Variants in HSD17B3 observed in about 807,000 individuals in gnomAD.
HSD17B3 encodes hydroxysteroid 17-beta dehydrogenase 3.
In HSD17B3, 29 loss-of-function variants were observed where a neutral mutation model predicts 41.1. The observed-to-expected ratio is 0.71, with a 90% CI of 0.53 to 0.96. The LOEUF is 0.96. HSD17B3 is among the 40% of genes least tolerant of loss of function. The probability of loss-of-function intolerance (pLI) is 0.00; values close to 1 mark genes in which losing one functional copy is unlikely to be tolerated. For missense variants in HSD17B3, 323 were observed against 374.6 expected, an observed-to-expected ratio of 0.86 and a Z score of 1.14; for synonymous variants, 126 against 145.6, an observed-to-expected ratio of 0.87 and a Z score of 0.97.
intron 1 of HSD17B3, among the ~76,000 whole-genome samples, chr9:96,301,474 A>C (rs1302152372): frequency 6.6e-6 from 1 of 150,936 alleles, no homozygotes; most frequent in African/African-American, 2.4e-5. Context: ...GCACTTTGAG[A>C]GGCTAAAGTG....
At chr9:96,243,078 C>T (rs1836515999) in intron 9 of HSD17B3, among the ~76,000 whole-genome samples, 1 of 152,200 alleles carries the variant, frequency 6.6e-6, no homozygotes, top group African/African-American at 2.4e-5. Flanking sequence ...AGCCTGGGGC[C>T]CTGTGTCAGC....
In HSD17B3 at chr9:96,302,059, C is replaced by G; in HGVS notation, c.46G>C (p.Val16Leu). The part of the protein sequence containing the change: ...EQFFILTGLL[V>L]CLACLAKCVR... ...CACTTCGCCAGGCAGGCCAGGCACA[C>G]CAGCAGCCCTGTGAGGATGAAGAAC... Residue 16 changes from valine (V) to leucine (L), a missense_variant, in exon 1 of 11, where the codon GTG (valine) becomes CTG (leucine). Transcript: ENST00000375263. 6.2e-7 allele frequency: 1 copy of G among 1,614,132 alleles called. No homozygotes were observed. Among genetic ancestry groups the G allele is most frequent in the Admixed American group, 1.7e-5 (1 of 60,006 alleles).
At chr9:96,254,767 G>T in intron 3 of HSD17B3, 101 bp downstream of exon 3, 1 of 999,812 alleles carries the variant, frequency 1.0e-6, no homozygotes, top group Non-Finnish European at 1.6e-6. Context: ...CCCAGGCTCT[G>T]AGAGCAGATG....
chr9:96,269,152 T>A (rs1225965765), intron 2 of HSD17B3, among the ~76,000 whole-genome samples: 1 of 152,166 alleles, frequency 6.6e-6, no homozygotes, highest in African/African-American at 2.4e-5. Context: ...TAAACCTGTA[T>A]GACATGGGAC....
chr9:96,282,746 A>G (rs1459008886), intron 2 of HSD17B3, among the ~76,000 whole-genome samples: 1 of 152,230 alleles, frequency 6.6e-6, no homozygotes, highest in African/African-American at 2.4e-5. Flanking sequence ...AAACAGTTCT[A>G]CCTGTAAGGC....
At chr9:96,286,702 CAA>C (rs67992904) in intron 2 of HSD17B3, among the ~76,000 whole-genome samples, 3 of 145,486 alleles carry the variant, frequency 2.1e-5, no homozygotes, top group African/African-American at 7.6e-5. Context: ...AAAAAAAAAA[CAA>C]AAAAAAAACC....
At chr9:96,273,562 T>C (rs1197898732) in intron 2 of HSD17B3, among the ~76,000 whole-genome samples, 2 of 152,096 alleles carry the variant, frequency 1.3e-5, no homozygotes, top group East Asian at 3.9e-4. Context: ...CAGATGCCGA[T>C]CCAAGCCAAT....
intron 2 of HSD17B3, among the ~76,000 whole-genome samples, chr9:96,257,049 G>A (rs926376699): frequency 1.3e-5 from 2 of 152,172 alleles, no homozygotes; most frequent in African/African-American, 2.4e-5. Context: ...AGAAGTGCTC[G>A]CTCCCTCTTT....
rs143438132 is a variant in HSD17B3 at position 96,262,756 on chromosome 9, G to A, written c.202-7813C>T. On this transcript the variant is annotated intron_variant, in intron 2 of 10. Transcript: ENST00000375263. ...CCAAGCTAATATTATTTCTTGTCTTGAATTATATTTTGTCTGATACTAATA... is the reference window on the plus strand; with the variant it reads ...CCAAGCTAATATTATTTCTTGTCTTAAATTATATTTTGTCTGATACTAATA... Among the ~76,000 whole-genome samples the A allele has an allele frequency of 2.9e-3, 434 of 152,180 alleles. 1 individual carries two copies. The highest frequency in any genetic ancestry group is 4.9e-3 in the Non-Finnish European group (334 of 68,010).
At chr9:96,270,247 T>TACACAC (rs35263931) in intron 2 of HSD17B3, among the ~76,000 whole-genome samples, 29 of 147,382 alleles carry the variant, frequency 2.0e-4, no homozygotes, top group Middle Eastern at 7.0e-3. Context: ...CCCAAACACA[T>TACACAC]ACACACACAC....
chr9:96,298,173 C>A (rs961515433), intron 2 of HSD17B3, among the ~76,000 whole-genome samples: 2 of 152,156 alleles, frequency 1.3e-5, no homozygotes, highest in African/African-American at 4.8e-5. Context: ...AATACCAATG[C>A]CCCACAAATT....
intron 9 of HSD17B3, among the ~76,000 whole-genome samples, chr9:96,241,372 C>T (rs1005357063): frequency 5.9e-5 from 9 of 152,234 alleles, no homozygotes; most frequent in African/African-American, 2.2e-4. Context: ...TCTGGCAACT[C>T]TATCTCAGAA....
chr9:96,267,569 T>A (rs1826088650), intron 2 of HSD17B3, among the ~76,000 whole-genome samples: 1 of 152,112 alleles, frequency 6.6e-6, no homozygotes, highest in South Asian at 2.1e-4. Flanking sequence ...TAAAACATTT[T>A]TAATTTCTTT....
At chr9:96,273,279 C>T (rs1283602867) in intron 2 of HSD17B3, among the ~76,000 whole-genome samples, 1 of 152,162 alleles carries the variant, frequency 6.6e-6, no homozygotes, top group Non-Finnish European at 1.5e-5. Flanking sequence ...TAACATTTAT[C>T]CACCAATAAA....
chr9:96,287,386 A>ACC (rs1826963640), intron 2 of HSD17B3, among the ~76,000 whole-genome samples: 11 of 152,194 alleles, frequency 7.2e-5, no homozygotes, highest in Admixed American at 7.2e-4. Context: ...CAACTGCTGC[A>ACC]GAAATGTGAC....
chr9:96,255,526 A>G (rs1157126096), intron 2 of HSD17B3, among the ~76,000 whole-genome samples: 2 of 151,486 alleles, frequency 1.3e-5, no homozygotes, highest in Admixed American at 1.3e-4. Flanking sequence ...AGTAGCTGGG[A>G]TTACAGGCAT....
chr9:96,237,176 C>A (rs1836267838), intron 10 of HSD17B3, among the ~76,000 whole-genome samples: 1 of 152,180 alleles, frequency 6.6e-6, no homozygotes, highest in Admixed American at 6.5e-5. Flanking sequence ...AATGTTTTGC[C>A]ATAGTGAGGT....
chr9:96,241,287 G>T (rs1836430538), intron 9 of HSD17B3, among the ~76,000 whole-genome samples: 1 of 152,184 alleles, frequency 6.6e-6, no homozygotes, highest in East Asian at 1.9e-4. Flanking sequence ...CCCAAGTATT[G>T]CATGGGACAT....
At chr9:96,298,655 G>GGGTT (rs973438072) in intron 1 of HSD17B3, among the ~76,000 whole-genome samples, 193 bp from the exon 2 acceptor site, 2 of 151,974 alleles carry the variant, frequency 1.3e-5, no homozygotes, top group Non-Finnish European at 1.5e-5. Flanking sequence ...GTTGGTGGGT[G>GGGTT]GGTTGGTTGG....
Sources: allele counts gnomAD v4.1 joint callset (sites outside exome capture counted in the v4.1 genomes callset), GRCh38; gene constraint gnomAD v4.1.1; transcripts MANE v1.5; gene names NCBI Gene and HGNC (gene_info 2026-07-23, HGNC 2026-07-21).